CLYBL: variants seen among roughly 807,000 people sequenced by gnomAD.
CLYBL encodes citramalyl-CoA lyase.
Under a neutral mutation model 38.9 loss-of-function variants are expected in CLYBL, and 31 were observed. The observed-to-expected ratio is 0.80, with a 90% confidence interval of 0.60 to 1.08. The LOEUF is 1.08. Among genes scored for constraint, CLYBL ranks in the 50% least tolerant of loss-of-function variants. The pLI is 0.00. For synonymous variants in CLYBL, 171 were observed against 158.6 expected, an observed-to-expected ratio of 1.08 and a Z score of -0.59; for missense variants, 434 against 411.6, an observed-to-expected ratio of 1.05 and a Z score of -0.47.
chr13:99,891,035 G>A (rs1313074868), intron 7 of CLYBL, among the ~76,000 whole-genome samples: 1 of 152,018 alleles, frequency 6.6e-6, no homozygotes, highest in Non-Finnish European at 1.5e-5. Context: ...TTCCACAGCT[G>A]TTTTCTGCTT....
At chr13:99,883,345 C>A (rs899541329) in intron 7 of CLYBL, among the ~76,000 whole-genome samples, 1 of 151,834 alleles carries the variant, frequency 6.6e-6, no homozygotes, top group African/African-American at 2.4e-5. Flanking sequence ...ATGGTGAAAC[C>A]CCATCTCTAC....
In CLYBL at chr13:99,702,489, G is replaced by A. The variant is rs369382573; in HGVS notation, c.63-70335G>A. ...CTACTAAAAAATACAAAAATTAGCC[G>A]GGCGTGGTGTCGCATGCCTGTAATC... On this transcript the variant is annotated intron_variant, in intron 1 of 8. Coordinates refer to ENST00000339105, the MANE Select transcript of CLYBL (RefSeq NM_206808.5). 3.0e-4 allele frequency among the ~76,000 whole-genome samples: 45 copies of A among 152,010 alleles called. No individual in the cohort carries two copies. In the South Asian group the frequency reaches 8.5e-3, roughly 29 times the overall value.
chr13:99,841,407 T>C (rs1370601983), intron 2 of CLYBL, among the ~76,000 whole-genome samples: 1 of 151,976 alleles, frequency 6.6e-6, no homozygotes, highest in Non-Finnish European at 1.5e-5. Flanking sequence ...TTTTTTTTTA[T>C]TTATTTATTT....
chr13:99,848,534 T>C (rs1594219158), intron 2 of CLYBL, among the ~76,000 whole-genome samples: 2 of 152,226 alleles, frequency 1.3e-5, no homozygotes, highest in African/African-American at 4.8e-5. Flanking sequence ...GTTACCTAAA[T>C]GCCTTCAAGT....
At chr13:99,746,514 A>C (rs2048854508) in intron 1 of CLYBL, among the ~76,000 whole-genome samples, 1 of 152,056 alleles carries the variant, frequency 6.6e-6, no homozygotes, top group Admixed American at 6.6e-5. Context: ...TCTTTTCTGC[A>C]CCTGTTTTTA....
At chr13:99,851,722 C>A (rs1283094714) in intron 2 of CLYBL, among the ~76,000 whole-genome samples, 2 of 152,080 alleles carry the variant, frequency 1.3e-5, no homozygotes, top group Admixed American at 6.6e-5. Flanking sequence ...GGAAAGGAAC[C>A]CTCAACACAC....
intron 1 of CLYBL, among the ~76,000 whole-genome samples, chr13:99,608,709 G>A (rs1328664113): frequency 6.6e-6 from 1 of 152,094 alleles, no homozygotes; most frequent in African/African-American, 2.4e-5. Context: ...ATGTCTACCC[G>A]CTGAATATAG....
intron 1 of CLYBL, among the ~76,000 whole-genome samples, chr13:99,622,802 A>G (rs1291684408): frequency 2.6e-5 from 2 of 76,480 alleles, no homozygotes; most frequent in Admixed American, 2.7e-4. Flanking sequence ...TTTATTTTTT[A>G]AATTAAATTT....
chr13:99,819,594 C>T (rs866546263), intron 2 of CLYBL, among the ~76,000 whole-genome samples: 3 of 151,180 alleles, frequency 2.0e-5, no homozygotes, highest in Middle Eastern at 3.4e-3. Flanking sequence ...CTGCTGTCTG[C>T]AAACGGAAGA....
intron 2 of CLYBL, among the ~76,000 whole-genome samples, chr13:99,804,901 C>T (rs1456889078): frequency 6.6e-6 from 1 of 152,156 alleles, no homozygotes; most frequent in Non-Finnish European, 1.5e-5. Context: ...GAGACTTTAC[C>T]ATTCAACAAT....
At chr13:99,611,305 A>G (rs2046622879) in intron 1 of CLYBL, among the ~76,000 whole-genome samples, 1 of 152,170 alleles carries the variant, frequency 6.6e-6, no homozygotes, top group African/African-American at 2.4e-5. Context: ...AGGATTTTCA[A>G]AGGTCCTTTT....
intron 2 of CLYBL, among the ~76,000 whole-genome samples, chr13:99,781,043 C>T (rs1004756632): frequency 4.6e-5 from 7 of 151,800 alleles, no homozygotes; most frequent in South Asian, 4.2e-4. Context: ...TAATTACTGA[C>T]GAGTTTCACT....
At chr13:99,903,225 T>C (rs1236157154) in intron 8 of CLYBL, among the ~76,000 whole-genome samples, 2 of 152,252 alleles carry the variant, frequency 1.3e-5, no homozygotes, top group Non-Finnish European at 2.9e-5. Flanking sequence ...GGAGGGTTGC[T>C]AGGCAGACAT....
intron 1 of CLYBL, among the ~76,000 whole-genome samples, chr13:99,702,627 C>T (rs964089486): frequency 2.2e-4 from 31 of 142,114 alleles, no homozygotes; most frequent in Non-Finnish European, 2.9e-4. Flanking sequence ...AGTGAAATTC[C>T]GTCTCAAAAA....
At chr13:99,780,693 C>G (rs1435099623) in intron 2 of CLYBL, among the ~76,000 whole-genome samples, 2 of 142,552 alleles carry the variant, frequency 1.4e-5, no homozygotes, top group African/African-American at 5.2e-5. Flanking sequence ...TCTCTTTTAA[C>G]TAGAATGTTA....
At chr13:99,788,686 G>T (rs940650253) in intron 2 of CLYBL, among the ~76,000 whole-genome samples, 2 of 152,100 alleles carry the variant, frequency 1.3e-5, no homozygotes, top group African/African-American at 4.8e-5. Flanking sequence ...TCTCTGCCAG[G>T]CTTTGGTATC....
At chr13:99,718,833 A>G (rs1266169388) in intron 1 of CLYBL, among the ~76,000 whole-genome samples, 4 of 151,886 alleles carry the variant, frequency 2.6e-5, no homozygotes, top group East Asian at 1.9e-4. Flanking sequence ...TCACTCAGCA[A>G]TACCTGTTGA....
intron 2 of CLYBL, among the ~76,000 whole-genome samples, chr13:99,815,194 AG>A (rs1171540956): frequency 6.6e-6 from 1 of 152,208 alleles, no homozygotes; most frequent in African/African-American, 2.4e-5. Flanking sequence ...TGCATTCCCA[AG>A]AACAGCAGAT....
At chr13:99,868,083 A>G (rs1285908335) in intron 6 of CLYBL, among the ~76,000 whole-genome samples, 2 of 151,682 alleles carry the variant, frequency 1.3e-5, no homozygotes, top group African/African-American at 4.8e-5. Context: ...GGAGTATTAA[A>G]TCGCTAAAAA....
Sources: allele counts gnomAD v4.1 joint callset (sites outside exome capture counted in the v4.1 genomes callset), GRCh38; gene constraint gnomAD v4.1.1; transcripts MANE v1.5; gene names NCBI Gene and HGNC (gene_info 2026-07-23, HGNC 2026-07-21).